Variants in DMD observed in about 807,000 individuals in gnomAD.
DMD encodes dystrophin, also known as mutant dystrophin.
In DMD, 63 loss-of-function variants were observed where a neutral mutation model predicts 330.1. The observed-to-expected ratio is 0.19, with a 90% confidence interval of 0.16 to 0.24. The LOEUF (loss-of-function observed/expected upper bound fraction) is 0.24. Among genes scored for constraint, DMD ranks in the 10% least tolerant of loss-of-function variants. The pLI is 1.00. For missense variants in DMD, 3,344 were observed against 2,684.1 expected (o/e 1.25, Z -5.43); for synonymous variants, 1,223 against 959.8 (o/e 1.27, Z -5.07).
chrX:33,007,790 T>C (rs1201528506), intron 2 of DMD, among the ~76,000 whole-genome samples: 1 of 111,566 alleles, frequency 9.0e-6, no homozygotes, highest in Non-Finnish European at 1.9e-5. Flanking sequence ...AAATTATTTG[T>C]AAAGGATAAG....
chrX:31,890,232 G>A (rs2094223531), intron 47 of DMD, among the ~76,000 whole-genome samples: 1 of 109,063 alleles, frequency 9.2e-6, no homozygotes, highest in Non-Finnish European at 1.9e-5. Flanking sequence ...AATTTAGCTG[G>A]GGATGGTGGT....
chrX:32,585,448 T>A (rs1292672459), intron 13 of DMD, among the ~76,000 whole-genome samples: 1 of 110,912 alleles, frequency 9.0e-6, no homozygotes, highest in Non-Finnish European at 1.9e-5. Context: ...ACGCCTGTAA[T>A]CCCAGCACTT....
intron 7 of DMD, among the ~76,000 whole-genome samples, chrX:32,763,250 C>T (rs768245176): frequency 1.8e-3 from 203 of 111,971 alleles, no homozygotes; most frequent in Non-Finnish European, 3.2e-3. Flanking sequence ...TTAATACAAT[C>T]GTTATACTTT....
rs1415691287 is a variant in DMD, at chrX:32,653,412, G to C, written c.961-8260C>G. On this transcript the variant is annotated intron_variant, in intron 9 of 78. Coordinates refer to ENST00000357033, the MANE Select transcript of DMD (RefSeq NM_004006.3). ...TTTCCCAGCACCATTTATTAAATAG[G>C]GAATCCTTTCCCCATTGCTTGTTTT... Among the ~76,000 whole-genome samples, 4 of 111,692 alleles carry C rather than the reference G, an allele frequency of 3.6e-5. 1 individual carries two copies. The Admixed American group carries it at 3.8e-4, about 11-fold the overall frequency.
At chrX:32,153,175 C>T (rs1034279047) in intron 44 of DMD, among the ~76,000 whole-genome samples, 1 of 111,972 alleles carries the variant, frequency 8.9e-6, no homozygotes, top group East Asian at 2.8e-4. Context: ...GAGTGTATTG[C>T]TATACATTTT....
chrX:32,283,254 A>G (rs1368888845), intron 43 of DMD, among the ~76,000 whole-genome samples: 1 of 111,962 alleles, frequency 8.9e-6, no homozygotes, highest in East Asian at 2.8e-4. Flanking sequence ...CAAGTAACCT[A>G]AACAGCCAGA....
intron 77 of DMD, among the ~76,000 whole-genome samples, chrX:31,133,722 G>A (rs757590692): frequency 3.6e-5 from 4 of 111,461 alleles, no homozygotes; most frequent in African/African-American, 9.8e-5. Flanking sequence ...GCTGTAGCAC[G>A]TAGTAGCCAT....
At chrX:32,061,173 A>C (rs2096222020) in intron 44 of DMD, among the ~76,000 whole-genome samples, 1 of 111,322 alleles carries the variant, frequency 9.0e-6, no homozygotes, top group African/African-American at 3.3e-5. Context: ...AGATCTAAGC[A>C]GTTGTTTATG....
At chrX:32,428,636 A>G (rs890055488) in intron 29 of DMD, among the ~76,000 whole-genome samples, 1 of 111,658 alleles carries the variant, frequency 9.0e-6, no homozygotes, top group Non-Finnish European at 1.9e-5. Context: ...TTCTTTTGAC[A>G]GAGTCTCACT....
intron 9 of DMD, among the ~76,000 whole-genome samples, chrX:32,646,486 C>T (rs755684159): frequency 6.3e-5 from 7 of 111,020 alleles, no homozygotes; most frequent in Non-Finnish European, 1.3e-4. Flanking sequence ...CAAGCAAGCA[C>T]GGGGCCCCCT....
rs1427938321 is a variant in DMD at position 32,365,095 on chromosome X, T to A, written c.4950A>T (p.Glu1650Asp). The A allele has an allele frequency of 8.3e-7, 1 of 1,211,017 alleles. No individual in the cohort carries two copies. Among genetic ancestry groups the A allele is most frequent in the East Asian group, 3.0e-5 (1 of 33,782 alleles). Residue 1650 changes from glutamate to aspartate, a missense_variant, in exon 35 of 79, where the codon GAA becomes GAT. Transcript: ENST00000357033. ...TACTATTCAGAAGACTGAGTTTATC[T>A]TCCACCAACGTCTCCTTCTTGCCCA... ...TVLGKKETLV[E>D]DKLSLLNSNW...
At chrX:32,389,445 C>G (rs1197746228) in intron 32 of DMD, 56 bp downstream of exon 32, 1 of 1,114,833 alleles carries the variant, frequency 9.0e-7, no homozygotes, top group African/African-American at 1.8e-5. Flanking sequence ...AGAGCAGTTA[C>G]TTCTTAATGA....
chrX:32,288,414 G>T (rs1030393450), intron 42 of DMD, among the ~76,000 whole-genome samples: 4 of 111,479 alleles, frequency 3.6e-5, no homozygotes, highest in African/African-American at 6.5e-5. Flanking sequence ...TTGACTTTCA[G>T]GACATATGCA....
chrX:32,080,828 T>A (rs2096386311), intron 44 of DMD, among the ~76,000 whole-genome samples: 1 of 111,912 alleles, frequency 8.9e-6, no homozygotes, highest in Non-Finnish European at 1.9e-5. Flanking sequence ...ATCCAATGAC[T>A]GATTAATGCA....
intron 44 of DMD, among the ~76,000 whole-genome samples, chrX:32,081,196 C>T (rs1360892763): frequency 8.9e-6 from 1 of 112,049 alleles, no homozygotes; most frequent in Non-Finnish European, 1.9e-5. Flanking sequence ...ATCTCAGCTC[C>T]CCTTAAAGTA....
At chrX:32,134,646 TG>T (rs1390829001) in intron 44 of DMD, among the ~76,000 whole-genome samples, 1 of 111,896 alleles carries the variant, frequency 8.9e-6, no homozygotes, top group African/African-American at 3.2e-5. Context: ...AGTTGCTGAA[TG>T]ATCAGTCTCC....
chrX:32,590,844 A>G (rs2054827630), intron 13 of DMD, among the ~76,000 whole-genome samples: 1 of 111,387 alleles, frequency 9.0e-6, no homozygotes, highest in African/African-American at 3.3e-5. Context: ...CAGATGGCGT[A>G]TCATGGGACT....
intron 51 of DMD, among the ~76,000 whole-genome samples, chrX:31,756,160 C>T (rs2089061736): frequency 9.0e-6 from 1 of 111,176 alleles, no homozygotes; most frequent in African/African-American, 3.3e-5. Flanking sequence ...CCTCTGGGGG[C>T]TCATCTGAGC....
chrX:31,321,136 A>G (rs2056382801), intron 62 of DMD, among the ~76,000 whole-genome samples: 1 of 112,111 alleles, frequency 8.9e-6, no homozygotes, highest in South Asian at 3.7e-4. Context: ...TCATTAAAAT[A>G]ATGAATTTTA....
Sources: allele counts gnomAD v4.1 joint callset (sites outside exome capture counted in the v4.1 genomes callset), GRCh38; gene constraint gnomAD v4.1.1; transcripts MANE v1.5; gene names NCBI Gene and HGNC (gene_info 2026-07-23, HGNC 2026-07-21).